The following HECW1 variants were observed in gnomAD, a reference collection of about 807,000 sequenced individuals.
The protein encoded by HECW1 is E3 ubiquitin-protein ligase HECW1.
In HECW1, 61 loss-of-function variants were observed where a neutral mutation model predicts 182.3. The observed-to-expected ratio is 0.33, with a 90% CI of 0.27 to 0.41. The LOEUF (loss-of-function observed/expected upper bound fraction) is 0.41, where lower values mean the gene tolerates loss of function less well. HECW1 is among the 10% of genes least tolerant of loss of function. HECW1 has a pLI of 1.00. For missense variants in HECW1, 1,739 were observed against 2,108.9 expected, an observed-to-expected ratio of 0.82 and a Z score of 3.44; for synonymous variants, 859 against 832.6, an observed-to-expected ratio of 1.03 and a Z score of -0.55.
chr7:43,357,641 GT>G lies in HECW1; in HGVS notation c.461-3244del, dbSNP rs1485117208. ...AGTTTGATAGAAGAAATAAAATCTA[GT>G]GTTTGATACATCAATAGAGTGACTG... On this transcript the variant is annotated intron_variant, in intron 5 of 29. Transcript: ENST00000395891. Among the ~76,000 whole-genome samples, 4 of 152,078 alleles carry G rather than the reference GT, an allele frequency of 2.6e-5. No individual in the cohort carries two copies. The East Asian group carries it at 5.8e-4, about 22-fold the overall frequency.
At chr7:43,349,903 G>A (rs1814194307) in intron 5 of HECW1, among the ~76,000 whole-genome samples, 1 of 152,112 alleles carries the variant, frequency 6.6e-6, no homozygotes, top group Admixed American at 6.5e-5. Flanking sequence ...TTTGTTGCCT[G>A]TGTACTTTGT....
chr7:43,218,511 G>T (rs922071944), intron 2 of HECW1, among the ~76,000 whole-genome samples: 4 of 152,188 alleles, frequency 2.6e-5, no homozygotes, highest in Admixed American at 6.5e-5. Flanking sequence ...CAAGGAATGG[G>T]GTATGGCAGG....
chr7:43,384,898 C>T (rs955222137), intron 6 of HECW1, among the ~76,000 whole-genome samples: 3 of 152,102 alleles, frequency 2.0e-5, no homozygotes, highest in African/African-American at 4.8e-5. Context: ...GCTTTGCAGT[C>T]GTTTGGTTTA....
intron 5 of HECW1, among the ~76,000 whole-genome samples, chr7:43,344,546 TG>T (rs1459597525): frequency 6.6e-6 from 1 of 152,100 alleles, no homozygotes; most frequent in Non-Finnish European, 1.5e-5. Context: ...CTGATTGCTT[TG>T]TTCCTTTTGG....
chr7:43,307,603 A>G (rs1807744673), intron 3 of HECW1, among the ~76,000 whole-genome samples: 1 of 152,156 alleles, frequency 6.6e-6, no homozygotes, highest in Non-Finnish European at 1.5e-5. Flanking sequence ...TATCTCCCAC[A>G]GTTCAGATGT....
intron 5 of HECW1, among the ~76,000 whole-genome samples, chr7:43,339,249 G>A (rs774900909): frequency 1.2e-4 from 18 of 152,128 alleles, no homozygotes; most frequent in Non-Finnish European, 2.5e-4. Context: ...ACATACGGTG[G>A]ATCATTCCAT....
chr7:43,446,722 G>T (rs1249139191), intron 11 of HECW1, among the ~76,000 whole-genome samples: 1 of 152,082 alleles, frequency 6.6e-6, no homozygotes. Context: ...GTGAGAGAAG[G>T]TGGCACATGC....
Position 43,520,464 on chromosome 7 carries a change from T to C in HECW1, c.4019+11343T>C, listed in dbSNP as rs2080410980. On this transcript the variant is annotated intron_variant, in intron 24 of 29. Transcript: ENST00000395891. ...CTTAGGCTTTGCTCTGCTGCCCATA[T>C]GTGCGCGATTGTTTCTTCTGTTCTT... is the stretch of plus-strand genomic sequence containing the variant. Among the ~76,000 whole-genome samples the C allele has an allele frequency of 2.6e-5, 4 of 152,154 alleles. No homozygotes were observed. In the South Asian group the frequency reaches 6.2e-4, roughly 24 times the overall value.
rs565636090 is a variant in HECW1, at chr7:43,174,880, TG to T, written c.-32+60491del. ...GCTGTGCCCCTAACAGCAACTCAGA[TG>T]GAATATACTTACTCATCTCTGTTTT... On this transcript the variant is annotated intron_variant, in intron 2 of 29. Transcript: ENST00000395891. 6.6e-5 allele frequency among the ~76,000 whole-genome samples: 10 copies of T among 152,318 alleles called. No homozygotes were observed. In the East Asian group the frequency reaches 1.9e-3, roughly 29 times the overall value.
chr7:43,559,117 C>T (rs977233606), intron 29 of HECW1, among the ~76,000 whole-genome samples: 1 of 152,118 alleles, frequency 6.6e-6, no homozygotes, highest in African/African-American at 2.4e-5. Context: ...TTCTTTGGCC[C>T]TGTGTTGGTT....
chr7:43,425,813 C>G (rs1002058640), intron 8 of HECW1, among the ~76,000 whole-genome samples: 1 of 152,098 alleles, frequency 6.6e-6, no homozygotes, highest in Non-Finnish European at 1.5e-5. Flanking sequence ...GCCTTCATGA[C>G]CTAATCACCT....
chr7:43,170,582 C>G (rs1791587157), intron 2 of HECW1, among the ~76,000 whole-genome samples: 2 of 152,190 alleles, frequency 1.3e-5, no homozygotes, highest in African/African-American at 4.8e-5. Flanking sequence ...CACACTCTCA[C>G]TGGCAGAGGT....
intron 7 of HECW1, among the ~76,000 whole-genome samples, chr7:43,404,336 G>A (rs551155610): frequency 1.1e-4 from 17 of 152,286 alleles, no homozygotes; most frequent in South Asian, 4.1e-4. Flanking sequence ...AGAAGTCTCC[G>A]TTTTCTAAAG....
chr7:43,480,503 G>A (rs988188479), intron 17 of HECW1, among the ~76,000 whole-genome samples: 5 of 151,948 alleles, frequency 3.3e-5, no homozygotes, highest in Admixed American at 6.6e-5. Context: ...TGGCTTCTGA[G>A]AACTACTTCC....
chr7:43,278,549 C>T (rs1803477214), intron 3 of HECW1, among the ~76,000 whole-genome samples: 1 of 152,122 alleles, frequency 6.6e-6, no homozygotes, highest in Non-Finnish European at 1.5e-5. Flanking sequence ...TTCAGAGCCT[C>T]AGATGGCTCC....
intron 29 of HECW1, among the ~76,000 whole-genome samples, chr7:43,558,509 C>T (rs2082103929): frequency 6.6e-6 from 1 of 152,138 alleles, no homozygotes; most frequent in Non-Finnish European, 1.5e-5. Context: ...TCTTCCCCCG[C>T]AAGAGGCAGT....
At chr7:43,245,192 C>G (rs928485552) in intron 3 of HECW1, among the ~76,000 whole-genome samples, 1 of 152,198 alleles carries the variant, frequency 6.6e-6, no homozygotes, top group Non-Finnish European at 1.5e-5. Flanking sequence ...GCTTGGTGTG[C>G]GCTCAGGAGC....
At chr7:43,312,492 G>T (rs1225363511) in intron 4 of HECW1, among the ~76,000 whole-genome samples, 1 of 152,198 alleles carries the variant, frequency 6.6e-6, no homozygotes, top group Non-Finnish European at 1.5e-5. Flanking sequence ...CATAATCTTT[G>T]CCAGCTCTTC....
At chr7:43,501,645 C>A (rs1236543626) in intron 21 of HECW1, among the ~76,000 whole-genome samples, 1 of 151,914 alleles carries the variant, frequency 6.6e-6, no homozygotes, top group Non-Finnish European at 1.5e-5. Flanking sequence ...GCCTGGGCAA[C>A]ATAGCGAGCT....
Sources: allele counts gnomAD v4.1 joint callset (sites outside exome capture counted in the v4.1 genomes callset), GRCh38; gene constraint gnomAD v4.1.1; transcripts MANE v1.5; gene names NCBI Gene and HGNC (gene_info 2026-07-23, HGNC 2026-07-21).